SNX7: variants seen among roughly 807,000 people sequenced by gnomAD.
SNX7 encodes sorting nexin 7, also known as sorting nexin-7.
SNX7 carries 35 observed loss-of-function variants against 48.4 expected under a neutral mutation model. The observed-to-expected ratio is 0.72, with a 90% confidence interval of 0.55 to 0.96. The LOEUF (loss-of-function observed/expected upper bound fraction) is 0.96. Among genes scored for constraint, SNX7 ranks in the 40% least tolerant of loss-of-function variants. The probability of loss-of-function intolerance (pLI) is 0.00; values close to 1 mark genes in which losing one functional copy is unlikely to be tolerated. For synonymous variants in SNX7, 190 were observed against 190.2 expected (o/e 1.00, Z 0.01); for missense variants, 553 against 548.9 (o/e 1.01, Z -0.07).
intron 8 of SNX7, among the ~76,000 whole-genome samples, chr1:98,741,087 AG>A (rs1654047046): frequency 6.6e-6 from 1 of 152,190 alleles, no homozygotes. Flanking sequence ...TCAGATATAC[AG>A]GGAAGTGAAA....
chr1:98,746,637 G>A (rs945921557), intron 8 of SNX7, among the ~76,000 whole-genome samples: 6 of 152,038 alleles, frequency 3.9e-5, no homozygotes, highest in African/African-American at 9.7e-5. Context: ...AACGAGCTTG[G>A]GTAACCATGA....
At chr1:98,716,482 A>C (rs767504848) in intron 7 of SNX7, among the ~76,000 whole-genome samples, 7 of 152,206 alleles carry the variant, frequency 4.6e-5, no homozygotes, top group Non-Finnish European at 1.0e-4. Flanking sequence ...GAAAAGAGAA[A>C]GGAAGAGTTT....
In SNX7 at chr1:98,760,099, C is replaced by A; in HGVS notation, c.1324C>A (p.His442Asn). 2 of 1,610,188 alleles carry A rather than the reference C, an allele frequency of 1.2e-6. No homozygotes were observed. Among genetic ancestry groups the A allele is most frequent in the Non-Finnish European group, 1.7e-6 (2 of 1,176,890 alleles). Reference sequence around the variant, plus strand: ...ATTCCTTACATCACAGACCAACCTTCACTTGGAAGAAGCCTCTGAAGATAA... The same window carrying A: ...ATTCCTTACATCACAGACCAACCTTAACTTGGAAGAAGCCTCTGAAGATAA... ...ESFLTSQTNL[H>N]LEEASEDKP Residue 442 changes from histidine to asparagine, a missense_variant, in exon 9 of 9, where the codon CAC (histidine) becomes AAC (asparagine). Coordinates refer to ENST00000306121, the MANE Select transcript of SNX7 (RefSeq NM_015976.5).
intron 1 of SNX7, among the ~76,000 whole-genome samples, chr1:98,666,730 G>C (rs1649557268): frequency 6.6e-6 from 1 of 152,104 alleles, no homozygotes; most frequent in Non-Finnish European, 1.5e-5. Context: ...TGACTGCCTT[G>C]ATCTATAGGA....
chr1:98,721,061 A>C (rs1236148572), intron 7 of SNX7, among the ~76,000 whole-genome samples: 1 of 150,328 alleles, frequency 6.7e-6, no homozygotes, highest in East Asian at 1.9e-4. Flanking sequence ...ATAGATGTTC[A>C]TTTTTAATTT....
At chr1:98,669,192 C>T (rs1649705184) in intron 1 of SNX7, among the ~76,000 whole-genome samples, 1 of 152,150 alleles carries the variant, frequency 6.6e-6, no homozygotes, top group African/African-American at 2.4e-5. Context: ...TCAGTGTTTA[C>T]CTTCTAATCA....
intron 1 of SNX7, chr1:98,662,666 G>T: frequency 7.8e-7 from 1 of 1,288,796 alleles, no homozygotes; most frequent in Non-Finnish European, 1.0e-6. Flanking sequence ...TTCTTAAAGG[G>T]TTTTAGAAAA....
intron 1 of SNX7, among the ~76,000 whole-genome samples, chr1:98,674,670 C>T (rs1650062595): frequency 6.6e-6 from 1 of 152,044 alleles, no homozygotes; most frequent in Admixed American, 6.6e-5. Context: ...TATAATAAAC[C>T]CCGAGTAACA....
At chr1:98,739,696 TG>T (rs1475242886) in intron 8 of SNX7, among the ~76,000 whole-genome samples, 2 of 151,584 alleles carry the variant, frequency 1.3e-5, no homozygotes, top group African/African-American at 4.9e-5. Flanking sequence ...CAGATAAGAG[TG>T]TGAGAAATGG....
intron 8 of SNX7, among the ~76,000 whole-genome samples, chr1:98,755,955 CTG>C (rs1654820478): frequency 6.6e-6 from 1 of 151,898 alleles, no homozygotes; most frequent in Non-Finnish European, 1.5e-5. Context: ...TTTTATCTTG[CTG>C]TGTTTTATTT....
At position 98,760,192 on chromosome 1, in the gene SNX7, T is replaced by G; in HGVS notation, c.*61T>G. On this transcript the variant is annotated 3_prime_UTR_variant, in exon 9 of 9. Coordinates refer to ENST00000306121, the MANE Select transcript of SNX7 (RefSeq NM_015976.5). ...AGCATTTATTAACCAAAGTTATTCTTTCTGGATCTGCCGTGTCCTTATAAA... is the reference window on the plus strand; with the variant it reads ...AGCATTTATTAACCAAAGTTATTCTGTCTGGATCTGCCGTGTCCTTATAAA... The G allele has an allele frequency of 7.7e-7, 1 of 1,294,562 alleles. No homozygotes were observed. Among genetic ancestry groups the G allele is most frequent in the African/African-American group, 1.5e-5 (1 of 68,596 alleles). The allele number at this position is 1,294,562 out of a possible 1,614,324, so 80.2% of individuals were successfully genotyped here.
In SNX7 at chr1:98,691,082, G is replaced by T. The variant is rs1431330339; in HGVS notation, c.371G>T (p.Arg124Leu). The T allele has an allele frequency of 6.2e-7, 1 of 1,602,296 alleles. No homozygotes were observed. The highest frequency in any genetic ancestry group is 1.1e-5 in the South Asian group (1 of 89,900). ...TTCTCTTACTTTCTTCAGACATCTC[G>T]TGGGGAATTTGACTCCAGTGAATTT... is the stretch of plus-strand genomic sequence containing the variant. ...ITYRIITKTS[R>L]GEFDSSEFEV... Residue 124 changes from arginine (R) to leucine (L), a missense_variant, in exon 3 of 9, where the codon CGT becomes CTT. Physicochemically the swap from Arg to Leu is moderately radical, Grantham distance 102. Coordinates refer to ENST00000306121, the MANE Select transcript of SNX7 (RefSeq NM_015976.5).
At chr1:98,664,227 ATG>A (rs1269830691) in intron 1 of SNX7, among the ~76,000 whole-genome samples, 10 of 152,202 alleles carry the variant, frequency 6.6e-5, no homozygotes, top group Admixed American at 6.5e-4. Flanking sequence ...ATTTGTGAAT[ATG>A]TGTCTGGTAT....
At chr1:98,715,163 G>A (rs749992087) in intron 7 of SNX7, among the ~76,000 whole-genome samples, 2 of 152,090 alleles carry the variant, frequency 1.3e-5, no homozygotes, top group Non-Finnish European at 2.9e-5. Context: ...ACAGTATTTA[G>A]TTAGATGTCT....
intron 2 of SNX7, among the ~76,000 whole-genome samples, chr1:98,686,364 GT>G (rs1316185493): frequency 6.6e-5 from 10 of 152,068 alleles, no homozygotes; most frequent in Non-Finnish European, 1.5e-4. Context: ...ACTCACTTCT[GT>G]AGGGTTGCAG....
intron 7 of SNX7, among the ~76,000 whole-genome samples, chr1:98,706,742 G>A (rs916518464): frequency 9.9e-5 from 15 of 152,080 alleles, no homozygotes; most frequent in Admixed American, 2.0e-4. Context: ...AGTATATTTC[G>A]CAGGAAGAGC....
intron 1 of SNX7, among the ~76,000 whole-genome samples, chr1:98,677,725 A>C (rs1650244094): frequency 6.6e-6 from 1 of 151,974 alleles, no homozygotes; most frequent in African/African-American, 2.4e-5. Context: ...TAAAAATACA[A>C]AAATTAACCA....
intron 1 of SNX7, chr1:98,662,518 AG>A: frequency 2.3e-6 from 1 of 432,930 alleles, no homozygotes; most frequent in South Asian, 2.2e-5. Flanking sequence ...CCCAACCCAC[AG>A]CCAGTGCTTT....
At chr1:98,757,734 A>C (rs985759005) in intron 8 of SNX7, among the ~76,000 whole-genome samples, 1 of 151,034 alleles carries the variant, frequency 6.6e-6, no homozygotes, top group Non-Finnish European at 1.5e-5. Flanking sequence ...TACCTGATTG[A>C]TTGATTGATT....
Sources: allele counts gnomAD v4.1 joint callset (sites outside exome capture counted in the v4.1 genomes callset), GRCh38; gene constraint gnomAD v4.1.1; transcripts MANE v1.5; gene names NCBI Gene and HGNC (gene_info 2026-07-23, HGNC 2026-07-21).